The following DZIP1 variants were observed in gnomAD, a reference collection of about 807,000 sequenced individuals.
DZIP1 encodes the protein DAZ interacting zinc finger protein 1.
In DZIP1, 97 loss-of-function variants were observed where a neutral mutation model predicts 107.6. The observed-to-expected ratio is 0.90, with a 90% CI of 0.77 to 1.07. The LOEUF (loss-of-function observed/expected upper bound fraction) is 1.07. Ranked by LOEUF, DZIP1 falls within the 50% of genes least tolerant of loss-of-function variation. The pLI is 0.00. For missense variants in DZIP1, 1,035 were observed against 1,063.6 expected (o/e 0.97, Z 0.37); for synonymous variants, 390 against 386.4 (o/e 1.01, Z -0.11).
chr13:95,581,768 T>A lies in DZIP1; in HGVS notation c.*466A>T, dbSNP rs2044016773. On this transcript the variant is annotated 3_prime_UTR_variant, in exon 23 of 23. Coordinates refer to ENST00000376829, the MANE Select transcript of DZIP1 (RefSeq NM_198968.4). Reference sequence around the variant, plus strand: ...AATAACCAGACTAACTTTTAAGGATTAGTGGTTCCACCAATTCAATTTTAA... The same window carrying A: ...AATAACCAGACTAACTTTTAAGGATAAGTGGTTCCACCAATTCAATTTTAA... The A allele has an allele frequency of 6.6e-6, 1 of 152,538 alleles. No homozygotes were observed. 9.4% of individuals were successfully genotyped at this position (152,538 alleles called of 1,614,324 possible). A position where few individuals can be genotyped will look rare whatever the true frequency, so the allele number is the denominator to read the frequency against.
At position 95,641,712 on chromosome 13, in the gene DZIP1, G is replaced by A. The variant is rs1350501045; in HGVS notation, c.180C>T (p.Phe60=). The A allele has an allele frequency of 6.2e-7, 1 of 1,601,094 alleles. No individual in the cohort carries two copies. The highest frequency in any genetic ancestry group is 8.5e-7 in the Non-Finnish European group (1 of 1,178,730). ...AGTCCACACTCTCCAGCCGCGGCCT[G>A]AACTGGAAGAAGGGCAGGGGCCCCG... ...AASGPLPFFQ[F]RPRLESVDWR... is the part of the protein sequence containing the mutation. The change falls in exon 5 of 23, where the codon TTC becomes TTT. Residue 60 remains phenylalanine (F), a synonymous_variant. Transcript: ENST00000376829. This position sits in a 1 kb window ranked among gnomAD's most constrained non-coding sequence, Gnocchi z 4.3.
Position 95,612,117 on chromosome 13 carries a change from C to G in DZIP1, c.1234G>C (p.Val412Leu). 1 of 1,613,554 alleles carries G rather than the reference C, an allele frequency of 6.2e-7. No individual in the cohort carries two copies. Among genetic ancestry groups the G allele is most frequent in the Non-Finnish European group, 8.5e-7 (1 of 1,179,988 alleles). The part of the protein sequence containing the change: ...SMIDDLNASN[V>L]FYKKRIEELG... ...TCTTCTATCCTTTTCTTATAGAAAACATTGCTTGCATTTAGATCATCTATC... is the reference window on the plus strand; with the variant it reads ...TCTTCTATCCTTTTCTTATAGAAAAGATTGCTTGCATTTAGATCATCTATC... Residue 412 changes from valine to leucine, a missense_variant, in exon 11 of 23, where the codon GTT becomes CTT. Coordinates refer to ENST00000376829, the MANE Select transcript of DZIP1 (RefSeq NM_198968.4).
At chr13:95,633,638 C>T (rs1019054163) in intron 5 of DZIP1, among the ~76,000 whole-genome samples, 2 of 147,032 alleles carry the variant, frequency 1.4e-5, no homozygotes, top group East Asian at 4.0e-4. Context: ...GAGATTGCAC[C>T]ACTGCACTCC....
At chr13:95,602,529 CCA>C in intron 14 of DZIP1, among the ~76,000 whole-genome samples, 1 of 152,148 alleles carries the variant, frequency 6.6e-6, no homozygotes, top group East Asian at 1.9e-4. Flanking sequence ...CAGGAGTGGT[CCA>C]CAGTTGTCAT....
chr13:95,593,867 C>G (rs759080959), intron 16 of DZIP1, 77 bp downstream of exon 16: 58 of 1,505,360 alleles, frequency 3.9e-5, no homozygotes, highest in Admixed American at 9.0e-5. Flanking sequence ...GTGCTTTCTT[C>G]TCTTCCATGA....
chr13:95,583,617 T>C (rs1201208768), intron 22 of DZIP1, among the ~76,000 whole-genome samples: 2 of 152,196 alleles, frequency 1.3e-5, no homozygotes, highest in East Asian at 3.8e-4. Context: ...ATGAAAATCA[T>C]TTCAAGTAAT....
chr13:95,634,405 GTC>G (rs1877557976), intron 5 of DZIP1, among the ~76,000 whole-genome samples: 1 of 135,936 alleles, frequency 7.4e-6, no homozygotes, highest in African/African-American at 2.6e-5. Context: ...CTTGTTTATT[GTC>G]TCTAGCCCAG....
At chr13:95,584,122 G>A (rs6492814) in intron 22 of DZIP1, among the ~76,000 whole-genome samples, 90,202 of 151,282 alleles carry the variant, frequency 0.6, 27,304 homozygotes, top group African/African-American at 0.67. Flanking sequence ...GACTACAGGC[G>A]CGCACCACCA....
chr13:95,583,972 AAATAAT>A (rs892177227), intron 22 of DZIP1, among the ~76,000 whole-genome samples: 5 of 151,872 alleles, frequency 3.3e-5, no homozygotes, highest in African/African-American at 9.7e-5. Flanking sequence ...AAAAATAAAA[AAATAAT>A]AATAATAAAT....
At chr13:95,634,265 G>A (rs1877541597) in intron 5 of DZIP1, among the ~76,000 whole-genome samples, 1 of 152,234 alleles carries the variant, frequency 6.6e-6, no homozygotes, top group South Asian at 2.1e-4. Flanking sequence ...CTTCCACGCT[G>A]AGGATGACAG....
chr13:95,598,083 C>T (rs2044509166), intron 15 of DZIP1, among the ~76,000 whole-genome samples: 1 of 152,154 alleles, frequency 6.6e-6, no homozygotes, highest in South Asian at 2.1e-4. Flanking sequence ...TCAGAGTACC[C>T]CAAAATTTCC....
At chr13:95,639,935 A>G (rs1054589902) in intron 5 of DZIP1, among the ~76,000 whole-genome samples, 6 of 151,974 alleles carry the variant, frequency 3.9e-5, no homozygotes, top group African/African-American at 1.4e-4. Flanking sequence ...TCTACCCAAG[A>G]CCAAACACTA....
intron 12 of DZIP1, among the ~76,000 whole-genome samples, chr13:95,610,111 T>TGTGTGTGTGTGTGTGTGTGAGAGAGAGA (rs368276400): frequency 7.9e-6 from 1 of 126,666 alleles, no homozygotes; most frequent in Non-Finnish European, 1.7e-5. Flanking sequence ...TGTGTGTGTG[T>TGTGTGTGTGTGTGTGTGTGAGAGAGAGA]GAGAGAGAGA....
intron 12 of DZIP1, among the ~76,000 whole-genome samples, chr13:95,610,805 T>C (rs192570368): frequency 3.3e-5 from 5 of 152,284 alleles, no homozygotes; most frequent in African/African-American, 7.2e-5. Context: ...GGGTTAGTTA[T>C]TGAGAGTGAG....
chr13:95,612,476 G>A (rs997398126), intron 10 of DZIP1, among the ~76,000 whole-genome samples: 2 of 152,180 alleles, frequency 1.3e-5, no homozygotes, highest in Non-Finnish European at 2.9e-5. Context: ...AAGGATTCAG[G>A]CTTCTCCTGC....
intron 15 of DZIP1, 97 bp downstream of exon 15, chr13:95,599,268 G>T (rs2044544761): frequency 9.9e-7 from 1 of 1,008,332 alleles, no homozygotes; most frequent in Non-Finnish European, 1.5e-6. Flanking sequence ...TAATTTTGAT[G>T]TAGTGGAATA....
chr13:95,595,454 TA>T (rs2044420714), intron 15 of DZIP1, among the ~76,000 whole-genome samples: 1 of 152,252 alleles, frequency 6.6e-6, no homozygotes, highest in African/African-American at 2.4e-5. Context: ...AAACTGCATA[TA>T]ATTATATATT....
intron 3 of DZIP1, 40 bp downstream of exon 3, chr13:95,643,003 T>G (rs1029425350): frequency 3.3e-5 from 5 of 152,348 alleles, no homozygotes; most frequent in African/African-American, 9.6e-5. Context: ...ATTTTAGCCA[T>G]CAGCTTTACC....
At position 95,621,370 on chromosome 13, in the gene DZIP1, C is replaced by T. The variant is rs540964419; in HGVS notation, c.1110+973G>A. Among the ~76,000 whole-genome samples, 9 of 152,284 alleles carry T rather than the reference C, an allele frequency of 5.9e-5. No homozygotes were observed. The South Asian group carries it at 1.9e-3, about 32-fold the overall frequency. The stretch of plus-strand genomic sequence containing the variant: ...GGTAGGAAGTCCGGAATAAGGGTCA[C>T]TGAAGGACTTCAGACAGGACAGGGA... On this transcript the variant is annotated intron_variant, in intron 9 of 22. Coordinates refer to ENST00000376829, the MANE Select transcript of DZIP1 (RefSeq NM_198968.4).
Sources: allele counts gnomAD v4.1 joint callset (sites outside exome capture counted in the v4.1 genomes callset), GRCh38; gene constraint gnomAD v4.1.1; non-coding constraint Gnocchi (gnomAD v3.1); transcripts MANE v1.5; gene names NCBI Gene and HGNC (gene_info 2026-07-23, HGNC 2026-07-21).